Variants in EYS observed in about 807,000 individuals in gnomAD.
EYS encodes EGF-like photoreceptor maintenance factor, also known as protein eyes shut homolog.
EYS carries 250 observed loss-of-function variants against 282.1 expected under a neutral mutation model. The observed-to-expected ratio is 0.89, with a 90% CI of 0.80 to 0.98. The LOEUF is 0.98. Among genes scored for constraint, EYS ranks in the 50% least tolerant of loss-of-function variants. EYS has a pLI of 0.00. For synonymous variants in EYS, 1,355 were observed against 1,282.9 expected (o/e 1.06, Z -1.20); for missense variants, 4,016 against 3,709.0 (o/e 1.08, Z -2.15).
At chr6:64,964,426 T>C (rs1770028545) in intron 14 of EYS, among the ~76,000 whole-genome samples, 1 of 152,186 alleles carries the variant, frequency 6.6e-6, no homozygotes, top group Admixed American at 6.5e-5. Flanking sequence ...TTTAGCTTTA[T>C]GTTATTACTA....
At chr6:65,034,827 T>A (rs1009049359) in intron 13 of EYS, among the ~76,000 whole-genome samples, 1 of 152,030 alleles carries the variant, frequency 6.6e-6, no homozygotes, top group Non-Finnish European at 1.5e-5. Context: ...TTCCAAAAAA[T>A]TTGAGGAGAA....
chr6:63,888,748 A>G (rs1186954549), intron 35 of EYS, among the ~76,000 whole-genome samples: 2 of 152,228 alleles, frequency 1.3e-5, no homozygotes, highest in African/African-American at 2.4e-5. Flanking sequence ...AAGGATCACA[A>G]CTTCGTGTAA....
Position 64,617,546 on chromosome 6 carries a change from A to C in EYS, c.3569-13T>G. 1 of 1,452,698 alleles carries C rather than the reference A, an allele frequency of 6.9e-7. No individual in the cohort carries two copies. The highest frequency in any genetic ancestry group is 9.4e-7 in the Non-Finnish European group (1 of 1,059,514). The allele number at this position is 1,452,698 out of a possible 1,614,324, so 90.0% of individuals were successfully genotyped here. On this transcript the variant is annotated splice_polypyrimidine_tract_variant and intron_variant, in intron 23 of 42. Coordinates refer to ENST00000503581, the MANE Select transcript of EYS (RefSeq NM_001142800.2). ...TGTCCAGACCATCCTGTTCAACAAA[A>C]TTACAAAGCAGATATGCAATTTTTA...
intron 41 of EYS, among the ~76,000 whole-genome samples, chr6:63,729,824 T>A (rs972700265): frequency 9.2e-5 from 14 of 152,296 alleles, no homozygotes; most frequent in Non-Finnish European, 1.8e-4. Context: ...ATAGCCCATC[T>A]CTCTTCTTTT....
rs542464885 is a variant in EYS at position 64,260,479 on chromosome 6, G to A, written c.6192-29655C>T. Among the ~76,000 whole-genome samples the A allele has an allele frequency of 6.6e-5, 10 of 152,138 alleles. No individual in the cohort carries two copies. In the East Asian group the frequency reaches 1.9e-3, roughly 29 times the overall value. The stretch of plus-strand genomic sequence containing the variant: ...GATAATGGCAATGGGATTTTAGTAG[G>A]AAGAAAGAGATGCATACCTTTGCTT... On this transcript the variant is annotated intron_variant, in intron 30 of 42. Coordinates refer to ENST00000503581, the MANE Select transcript of EYS (RefSeq NM_001142800.2).
At chr6:65,623,247 G>C (rs1286711479) in intron 2 of EYS, among the ~76,000 whole-genome samples, 1 of 152,084 alleles carries the variant, frequency 6.6e-6, no homozygotes, top group Non-Finnish European at 1.5e-5. Context: ...ATTTTTCATA[G>C]GAACCTAGTA....
intron 12 of EYS, among the ~76,000 whole-genome samples, chr6:65,109,836 C>T (rs989139533): frequency 6.6e-6 from 1 of 152,042 alleles, no homozygotes; most frequent in African/African-American, 2.4e-5. Flanking sequence ...TTCACCCTCT[C>T]GTACCTTCAG....
At chr6:64,649,480 C>G (rs1053505156) in intron 22 of EYS, among the ~76,000 whole-genome samples, 2 of 151,992 alleles carry the variant, frequency 1.3e-5, no homozygotes, top group African/African-American at 4.8e-5. Flanking sequence ...GCTGGGACTA[C>G]AGGCACCTGC....
At chr6:65,157,167 CT>C (rs1036119688) in intron 12 of EYS, among the ~76,000 whole-genome samples, 1 of 150,748 alleles carries the variant, frequency 6.6e-6, no homozygotes, top group African/African-American at 2.4e-5. Flanking sequence ...GAAATATTTT[CT>C]ATTATGGGTT....
At chr6:65,086,989 A>G (rs1171836090) in intron 12 of EYS, among the ~76,000 whole-genome samples, 1 of 152,038 alleles carries the variant, frequency 6.6e-6, no homozygotes, top group East Asian at 1.9e-4. Context: ...CACCCAGCTA[A>G]TTTTTGTATT....
At chr6:65,004,229 A>G (rs1771563158) in intron 13 of EYS, among the ~76,000 whole-genome samples, 1 of 147,742 alleles carries the variant, frequency 6.8e-6, no homozygotes, top group Admixed American at 6.8e-5. Context: ...AGAAAGGAAA[A>G]GTCACATTTC....
chr6:65,604,262 T>C (rs942503510), intron 2 of EYS, among the ~76,000 whole-genome samples: 16 of 151,968 alleles, frequency 1.1e-4, no homozygotes, highest in African/African-American at 3.9e-4. Flanking sequence ...AACTTTGCTA[T>C]AAAACAGGAG....
intron 36 of EYS, among the ~76,000 whole-genome samples, chr6:63,825,670 G>A (rs1471325411): frequency 6.6e-6 from 1 of 152,150 alleles, no homozygotes; most frequent in African/African-American, 2.4e-5. Context: ...CAGCTCACAG[G>A]AAGCCACATC....
intron 31 of EYS, among the ~76,000 whole-genome samples, chr6:64,118,796 G>A (rs865828385): frequency 7.2e-5 from 11 of 151,948 alleles, no homozygotes; most frequent in Non-Finnish European, 1.0e-4. Context: ...CTGACAAGGG[G>A]TAATTATCCA....
At chr6:65,039,834 A>G (rs1772878899) in intron 13 of EYS, among the ~76,000 whole-genome samples, 1 of 151,686 alleles carries the variant, frequency 6.6e-6, no homozygotes, top group African/African-American at 2.4e-5. Flanking sequence ...ATAAATAATC[A>G]TTGCTAGATA....
intron 12 of EYS, among the ~76,000 whole-genome samples, chr6:65,095,899 C>T (rs1343940297): frequency 2.0e-5 from 3 of 150,656 alleles, no homozygotes; most frequent in South Asian, 4.2e-4. Context: ...GGGTGAGAAT[C>T]GCACTCTCAC....
chr6:65,234,031 C>T (rs1205406228), intron 12 of EYS, among the ~76,000 whole-genome samples: 1 of 152,120 alleles, frequency 6.6e-6, no homozygotes, highest in Non-Finnish European at 1.5e-5. Flanking sequence ...TCCGGCTGCT[C>T]TGTTGTTCTG....
At chr6:63,785,383 T>G (rs1037920707) in intron 39 of EYS, among the ~76,000 whole-genome samples, 1 of 152,310 alleles carries the variant, frequency 6.6e-6, no homozygotes, top group South Asian at 2.1e-4. Context: ...TATCTTCTTG[T>G]CTTCCTTCCT....
At chr6:64,833,906 T>C (rs1377444763) in intron 19 of EYS, among the ~76,000 whole-genome samples, 1 of 151,946 alleles carries the variant, frequency 6.6e-6, no homozygotes, top group Non-Finnish European at 1.5e-5. Context: ...TGTATGTTTC[T>C]CTTATTTCTG....
Sources: gnomAD v4.1 joint callset for allele counts (sites outside exome capture counted in the v4.1 genomes callset) on GRCh38, gnomAD v4.1.1 for gene constraint, MANE v1.5 for transcripts, NCBI Gene and HGNC (gene_info 2026-07-23, HGNC 2026-07-21) for gene names.